The following FLI1 variants were observed in gnomAD, a reference collection of about 807,000 sequenced individuals.
FLI1 encodes Friend leukemia integration 1 transcription factor.
Under a neutral mutation model 53.1 loss-of-function variants are expected in FLI1, and 13 were observed. That is an observed-to-expected ratio of 0.24 (90% CI 0.16 to 0.39). FLI1 has a LOEUF of 0.39. Ranked by LOEUF, FLI1 falls within the 10% of genes least tolerant of loss-of-function variation. The pLI, the probability that FLI1 is intolerant of heterozygous loss-of-function variation, is 1.00. For synonymous variants in FLI1, 244 were observed against 236.7 expected (o/e 1.03, Z -0.28); for missense variants, 424 against 600.5 (o/e 0.71, Z 3.07).
intron 5 of FLI1, among the ~76,000 whole-genome samples, chr11:128,800,832 C>G (rs1942615874): frequency 6.6e-6 from 1 of 152,172 alleles, no homozygotes; most frequent in African/African-American, 2.4e-5. Context: ...TTTGCTTTGG[C>G]AAGAGTTGAT....
chr11:128,809,147 A>G lies in FLI1; in HGVS notation c.782-10A>G, dbSNP rs1942867222. On this transcript the variant is annotated splice_polypyrimidine_tract_variant and intron_variant, in intron 7 of 8. Coordinates refer to ENST00000527786, the MANE Select transcript of FLI1 (RefSeq NM_002017.5). ...AACACTGAAGCAAATTTCCTTTTTT[A>G]TTTCCTTAGATCCGTATCAGATCCT... is the stretch of plus-strand genomic sequence containing the variant. 2 of 1,612,752 alleles carry G rather than the reference A, an allele frequency of 1.2e-6. No homozygotes were observed. Among genetic ancestry groups the G allele is most frequent in the Non-Finnish European group, 1.7e-6 (2 of 1,179,176 alleles).
At chr11:128,721,675 G>A (rs1404081978) in intron 1 of FLI1, among the ~76,000 whole-genome samples, 1 of 152,160 alleles carries the variant, frequency 6.6e-6, no homozygotes, top group Non-Finnish European at 1.5e-5. Context: ...CCAAACCTTT[G>A]GGGGCTGGGA....
chr11:128,800,645 G>T (rs1386536543), intron 5 of FLI1, among the ~76,000 whole-genome samples: 1 of 152,152 alleles, frequency 6.6e-6, no homozygotes, highest in East Asian at 1.9e-4. Flanking sequence ...AAATCTCCAT[G>T]CTCATATTTC....
At chr11:128,693,889 G>A (rs2135683075), upstream of FLI1, 1 of 249,648 alleles carries the variant, frequency 4.0e-6, no homozygotes, top group African/African-American at 2.3e-5. Flanking sequence ...TGTGGGGGGG[G>A]AGGGAAGACG....
intron 5 of FLI1, among the ~76,000 whole-genome samples, chr11:128,787,763 C>T (rs1466130493): frequency 6.6e-6 from 1 of 150,602 alleles, no homozygotes; most frequent in Non-Finnish European, 1.5e-5. Flanking sequence ...TATTATAGTA[C>T]AAATTCTAAT....
intron 1 of FLI1, among the ~76,000 whole-genome samples, chr11:128,708,160 G>C (rs901435201): frequency 1.2e-4 from 19 of 152,202 alleles, no homozygotes; most frequent in African/African-American, 4.6e-4. Context: ...CGTGCATGGG[G>C]GAGGAAGCTT....
intron 1 of FLI1, among the ~76,000 whole-genome samples, chr11:128,709,815 T>C (rs2135716359): frequency 6.6e-6 from 1 of 152,300 alleles, no homozygotes; most frequent in African/African-American, 2.4e-5. Flanking sequence ...CCCATGTCCT[T>C]GTGGTAATAC....
chr11:128,711,586 A>G (rs768337732), intron 1 of FLI1, among the ~76,000 whole-genome samples: 1 of 152,280 alleles, frequency 6.6e-6, no homozygotes, highest in African/African-American at 2.4e-5. Context: ...TGGGCTTATC[A>G]AAGAAAGGTA....
rs1305910701 is a variant in FLI1, at chr11:128,811,180, A to G, written c.*192A>G. The G allele has an allele frequency of 1.7e-6, 1 of 595,896 alleles. No individual in the cohort carries two copies. Among genetic ancestry groups the G allele is most frequent in the Admixed American group, 3.2e-5 (1 of 31,734 alleles). The allele number at this position is 595,896 out of a possible 1,614,324, so 36.9% of individuals were successfully genotyped here. A position where few individuals can be genotyped will look rare whatever the true frequency, so the allele number is the denominator to read the frequency against. On this transcript the variant is annotated 3_prime_UTR_variant, in exon 9 of 9. Coordinates refer to ENST00000527786, the MANE Select transcript of FLI1 (RefSeq NM_002017.5). ...TGGTAACTTTTGCTTCCTCTACCTG[A>G]ACAAAGAGATGAATAATTCCATGGG...
chr11:128,744,856 G>T (rs1402943138), intron 1 of FLI1, among the ~76,000 whole-genome samples: 1 of 152,120 alleles, frequency 6.6e-6, no homozygotes, highest in East Asian at 1.9e-4. Context: ...GGAAGGCAAT[G>T]GTTAAATAAA....
intron 5 of FLI1, among the ~76,000 whole-genome samples, chr11:128,801,132 G>A (rs1427658791): frequency 1.3e-5 from 2 of 152,176 alleles, no homozygotes; most frequent in Non-Finnish European, 2.9e-5. Flanking sequence ...GTTCTCAGGA[G>A]GCAGACTCCA....
chr11:128,781,928 GT>G, intron 4 of FLI1, 29 bp from the exon 5 acceptor site: 1 of 1,587,008 alleles, frequency 6.3e-7, no homozygotes, highest in Non-Finnish European at 8.7e-7. Context: ...GAACATTTTG[GT>G]TATAACCTGT....
At chr11:128,688,518 T>C (rs978963513) in intron 1 of FLI1, among the ~76,000 whole-genome samples, 4 of 152,148 alleles carry the variant, frequency 2.6e-5, no homozygotes, top group African/African-American at 9.7e-5. Flanking sequence ...GCCCCTGCCG[T>C]TGTCCGGCAG....
intron 1 of FLI1, among the ~76,000 whole-genome samples, chr11:128,748,574 G>A (rs185235403): frequency 2.3e-3 from 351 of 152,074 alleles, no homozygotes; most frequent in African/African-American, 7.7e-3. Context: ...CAGAGGTTGC[G>A]GTAAGCTGAG....
chr11:128,727,872 C>G (rs1939544420), intron 1 of FLI1, among the ~76,000 whole-genome samples: 1 of 152,216 alleles, frequency 6.6e-6, no homozygotes, highest in African/African-American at 2.4e-5. Flanking sequence ...TCCTCTATGT[C>G]TGACCTAGCT....
intron 1 of FLI1, among the ~76,000 whole-genome samples, chr11:128,696,317 A>AGT (rs1190609866): frequency 1.3e-5 from 2 of 152,108 alleles, no homozygotes; most frequent in Admixed American, 6.5e-5. Context: ...TTGAGCCTTT[A>AGT]GTGTGTGTGT....
intron 1 of FLI1, among the ~76,000 whole-genome samples, chr11:128,744,537 CT>C (rs1223054664): frequency 6.6e-6 from 1 of 152,192 alleles, no homozygotes; most frequent in African/African-American, 2.4e-5. Context: ...GATTAAAGAA[CT>C]TGTCCAAGGT....
chr11:128,762,367 T>C (rs1239018680), intron 2 of FLI1, among the ~76,000 whole-genome samples: 1 of 152,214 alleles, frequency 6.6e-6, no homozygotes, highest in African/African-American at 2.4e-5. Flanking sequence ...TTGAGATTGC[T>C]TGGCTCATGG....
intron 1 of FLI1, among the ~76,000 whole-genome samples, chr11:128,756,608 C>T (rs995037006): frequency 2.0e-5 from 3 of 152,200 alleles, no homozygotes; most frequent in Non-Finnish European, 2.9e-5. Context: ...CTGAGTGTGA[C>T]TCACTATGTG....
Sources: allele counts gnomAD v4.1 joint callset (sites outside exome capture counted in the v4.1 genomes callset), GRCh38; gene constraint gnomAD v4.1.1; transcripts MANE v1.5; gene names NCBI Gene and HGNC (gene_info 2026-07-23, HGNC 2026-07-21).